The following KCNN2 variants were observed in gnomAD, a reference collection of about 807,000 sequenced individuals.
The protein encoded by KCNN2 is small conductance calcium-activated potassium channel protein 2.
A neutral mutation model predicts 55.5 loss-of-function variants in KCNN2; 24 were observed. The observed-to-expected ratio is 0.43, with a 90% CI of 0.31 to 0.61. The LOEUF is 0.61. Ranked by LOEUF, KCNN2 falls within the 20% of genes least tolerant of loss-of-function variation. The probability of loss-of-function intolerance (pLI) is 0.08; values close to 1 mark genes in which losing one functional copy is unlikely to be tolerated. For missense variants in KCNN2, 754 were observed against 853.6 expected, an observed-to-expected ratio of 0.88 and a Z score of 1.45; for synonymous variants, 431 against 336.1, an observed-to-expected ratio of 1.28 and a Z score of -3.09.
intron 1 of KCNN2, among the ~76,000 whole-genome samples, chr5:114,210,177 G>A (rs1384218433): frequency 2.0e-5 from 3 of 152,064 alleles, no homozygotes; most frequent in African/African-American, 7.3e-5. Flanking sequence ...GTGTTCCTAA[G>A]GGCTAGAAGG....
At chr5:114,450,630 G>C (rs1178708366) in intron 3 of KCNN2, among the ~76,000 whole-genome samples, 1 of 152,190 alleles carries the variant, frequency 6.6e-6, no homozygotes, top group Non-Finnish European at 1.5e-5. Context: ...CAGATGTGTT[G>C]ATATGAAGCC....
intron 1 of KCNN2, among the ~76,000 whole-genome samples, chr5:114,057,587 C>A (rs983803002): frequency 5.9e-5 from 9 of 152,292 alleles, no homozygotes; most frequent in Non-Finnish European, 1.2e-4. Context: ...GCTTGTATTT[C>A]AGTTGAGGGA....
chr5:114,277,298 T>A (rs1294395110), intron 2 of KCNN2, among the ~76,000 whole-genome samples: 2 of 152,206 alleles, frequency 1.3e-5, no homozygotes, highest in Non-Finnish European at 2.9e-5. Flanking sequence ...CCTTGGTGAA[T>A]CTGACAATTA....
At chr5:114,162,172 G>C (rs1248810282) in intron 1 of KCNN2, among the ~76,000 whole-genome samples, 1 of 152,112 alleles carries the variant, frequency 6.6e-6, no homozygotes, top group African/African-American at 2.4e-5. Context: ...ATGTACAGAC[G>C]GGTTTTTGGT....
intron 1 of KCNN2, among the ~76,000 whole-genome samples, chr5:114,094,100 CTTTT>C (rs1183727481): frequency 6.6e-6 from 1 of 152,066 alleles, no homozygotes; most frequent in Non-Finnish European, 1.5e-5. Flanking sequence ...TTTTTGTTTG[CTTTT>C]TTTGTTTTGC....
intron 1 of KCNN2, among the ~76,000 whole-genome samples, chr5:114,195,193 T>G (rs1753528058): frequency 6.6e-6 from 1 of 151,840 alleles, no homozygotes; most frequent in South Asian, 2.1e-4. Context: ...ACGTATGAAT[T>G]TTAAGATCAG....
intron 1 of KCNN2, among the ~76,000 whole-genome samples, chr5:114,209,745 T>G (rs1230614084): frequency 1.3e-5 from 2 of 152,200 alleles, no homozygotes; most frequent in African/African-American, 2.4e-5. Flanking sequence ...TGTTCAGCTT[T>G]CTTTCTCCTA....
chr5:114,402,330 T>G (rs1183726163), intron 2 of KCNN2, among the ~76,000 whole-genome samples: 1 of 152,212 alleles, frequency 6.6e-6, no homozygotes, highest in Admixed American at 6.5e-5. Context: ...GAGCAAGATC[T>G]GCCTGGAAGT....
Position 114,404,834 on chromosome 5 carries a change from T to G in KCNN2, c.1615T>G (p.Trp539Gly). Residue 539 changes from tryptophan (W) to glycine (G), a missense_variant, in exon 3 of 8, where the codon TGG becomes GGG. Transcript: ENST00000673685. ...TATCTCATTATGGATAATTGCCGCATGGACTGTCCGAGCTTGTGAAAGGTA... is the reference window on the plus strand; with the variant it reads ...TATCTCATTATGGATAATTGCCGCAGGGACTGTCCGAGCTTGTGAAAGGTA... ...FSISLWIIAA[W>G]TVRACERYHD... The G allele has an allele frequency of 6.2e-7, 1 of 1,612,856 alleles. No individual in the cohort carries two copies. The highest frequency in any genetic ancestry group is 8.5e-7 in the Non-Finnish European group (1 of 1,178,972).
intron 2 of KCNN2, among the ~76,000 whole-genome samples, chr5:114,398,261 C>T (rs574952017): frequency 6.6e-6 from 1 of 152,244 alleles, no homozygotes; most frequent in Middle Eastern, 3.4e-3. Context: ...AGCCGGTTTT[C>T]CCAGTACCAT....
intron 2 of KCNN2, among the ~76,000 whole-genome samples, chr5:114,399,856 T>C (rs1758730750): frequency 6.6e-6 from 1 of 152,052 alleles, no homozygotes; most frequent in Admixed American, 6.5e-5. Flanking sequence ...TCCAGGAATT[T>C]TTCTATTTCC....
chr5:114,380,353 A>G (rs934444655), intron 2 of KCNN2, among the ~76,000 whole-genome samples: 2 of 152,224 alleles, frequency 1.3e-5, no homozygotes, highest in Non-Finnish European at 2.9e-5. Flanking sequence ...TGCTGTCACA[A>G]CAATTCTAAA....
At chr5:114,458,824 C>CA (rs1761055132) in intron 3 of KCNN2, among the ~76,000 whole-genome samples, 1 of 152,154 alleles carries the variant, frequency 6.6e-6, no homozygotes, top group Non-Finnish European at 1.5e-5. Context: ...AACAGATCCT[C>CA]AGAGTACAAA....
chr5:114,136,182 G>A, intron 1 of KCNN2, among the ~76,000 whole-genome samples: 1 of 152,152 alleles, frequency 6.6e-6, no homozygotes, highest in East Asian at 1.9e-4. Context: ...TTTAAGAGGT[G>A]GGAACACTAA....
intron 1 of KCNN2, among the ~76,000 whole-genome samples, chr5:114,168,466 G>A (rs554313520): frequency 5.9e-5 from 9 of 152,090 alleles, no homozygotes; most frequent in South Asian, 2.1e-4. Context: ...CAAATCATAA[G>A]CCTGTTTCTC....
chr5:114,108,393 G>A (rs1467524708), intron 1 of KCNN2, among the ~76,000 whole-genome samples: 1 of 151,472 alleles, frequency 6.6e-6, no homozygotes, highest in African/African-American at 2.4e-5. Flanking sequence ...TTTTAATTGA[G>A]GCACAATTTA....
In KCNN2 at chr5:114,473,066, A is replaced by T; in HGVS notation, c.1792A>T (p.Thr598Ser). The part of the protein sequence containing the change: ...LLTGIMGAGC[T>S]ALVVAVVARK... ...TCCTTGTTTTCAGGGTGCTGGTTGCACAGCCCTGGTGGTAGCTGTAGTGGC... is the reference window on the plus strand; with the variant it reads ...TCCTTGTTTTCAGGGTGCTGGTTGCTCAGCCCTGGTGGTAGCTGTAGTGGC... Residue 598 changes from threonine to serine, a missense_variant, in exon 5 of 8, where the codon ACA becomes TCA. Thr to Ser is a moderately conservative substitution (Grantham distance 58). This residue lies in a region of KCNN2 where 86 missense variants were observed against 233.0 expected (regional missense o/e 0.37). Transcript: ENST00000673685. The T allele has an allele frequency of 6.2e-7, 1 of 1,609,292 alleles. No individual in the cohort carries two copies. Among genetic ancestry groups the T allele is most frequent in the Admixed American group, 1.7e-5 (1 of 59,456 alleles).
intron 1 of KCNN2, among the ~76,000 whole-genome samples, chr5:114,202,368 C>G (rs997502421): frequency 6.6e-6 from 1 of 151,610 alleles, no homozygotes; most frequent in Non-Finnish European, 1.5e-5. Context: ...ATTTACTTTC[C>G]TTTTTATTGT....
chr5:114,484,042 A>C (rs1462140917), intron 5 of KCNN2, among the ~76,000 whole-genome samples: 1 of 152,164 alleles, frequency 6.6e-6, no homozygotes, highest in Non-Finnish European at 1.5e-5. Context: ...TGTTATCAAG[A>C]GGGTCCTTTG....
Sources: gnomAD v4.1 joint callset for allele counts (sites outside exome capture counted in the v4.1 genomes callset) on GRCh38, gnomAD v4.1.1 for gene constraint, gnomAD v4.1.1 regional missense constraint, MANE v1.5 for transcripts, NCBI Gene and HGNC (gene_info 2026-07-23, HGNC 2026-07-21) for gene names.